ELK3: variants seen among roughly 807,000 people sequenced by gnomAD.
ELK3 encodes the protein ETS transcription factor ELK3.
In ELK3, 10 loss-of-function variants were observed where a neutral mutation model predicts 28.9. The ratio of observed to expected loss-of-function variants is 0.35; its 90% CI spans 0.21 to 0.59. ELK3 has a LOEUF of 0.59. Ranked by LOEUF, ELK3 falls within the 20% of genes least tolerant of loss-of-function variation. The pLI is 0.82. For synonymous variants in ELK3, 272 were observed against 243.5 expected, an observed-to-expected ratio of 1.12 and a Z score of -1.09; for missense variants, 463 against 517.3, an observed-to-expected ratio of 0.90 and a Z score of 1.02.
At chr12:96,264,067 C>T (rs1376574195) in intron 4 of ELK3, among the ~76,000 whole-genome samples, 1 of 152,172 alleles carries the variant, frequency 6.6e-6, no homozygotes, top group African/African-American at 2.4e-5. Context: ...ACCTCTGCCT[C>T]CTGGGCTCAA....
intron 2 of ELK3, among the ~76,000 whole-genome samples, chr12:96,241,777 G>A (rs1951823167): frequency 6.6e-6 from 1 of 152,174 alleles, no homozygotes; most frequent in African/African-American, 2.4e-5. Context: ...ATGGCAACTT[G>A]GACGGGGTGA....
intron 1 of ELK3, among the ~76,000 whole-genome samples, chr12:96,216,851 C>T (rs544520284): frequency 6.6e-6 from 1 of 152,208 alleles, no homozygotes; most frequent in African/African-American, 2.4e-5. Context: ...AGTCCCACAA[C>T]CAGACAGGAC....
intron 1 of ELK3, among the ~76,000 whole-genome samples, chr12:96,196,602 G>C (rs901644310): frequency 6.6e-6 from 1 of 152,062 alleles, no homozygotes; most frequent in African/African-American, 2.4e-5. Flanking sequence ...GTGTTAGGAG[G>C]GCACATGGGT....
chr12:96,245,311 G>A (rs1331871693), intron 2 of ELK3, among the ~76,000 whole-genome samples: 2 of 152,150 alleles, frequency 1.3e-5, no homozygotes, highest in Non-Finnish European at 2.9e-5. Context: ...TCTATTGGGG[G>A]ATCTTTGATT....
rs535185909 is a variant in ELK3 at position 96,208,089 on chromosome 12, G to C, written c.-3+13384G>C. On this transcript the variant is annotated intron_variant, in intron 1 of 4. Coordinates refer to ENST00000228741, the MANE Select transcript of ELK3 (RefSeq NM_005230.4). ...TTTTTTTGAGACAGAGTCTCGCTCT[G>C]TTGCCATGTTGGAGTGCAGTGGCAT... Among the ~76,000 whole-genome samples the C allele has an allele frequency of 2.3e-3, 351 of 152,166 alleles. 2 individuals are homozygous for C. The highest frequency in any genetic ancestry group is 8.0e-3 in the African/African-American group (334 of 41,516).
chr12:96,235,658 C>T (rs1213535661), intron 2 of ELK3, among the ~76,000 whole-genome samples: 1 of 152,034 alleles, frequency 6.6e-6, no homozygotes, highest in Non-Finnish European at 1.5e-5. Flanking sequence ...GATGAGAAGA[C>T]ACTCCCAGAC....
intron 1 of ELK3, among the ~76,000 whole-genome samples, chr12:96,220,521 G>C (rs1417249316): frequency 6.6e-6 from 1 of 151,428 alleles, no homozygotes; most frequent in Non-Finnish European, 1.5e-5. Flanking sequence ...CCAAGTAGCT[G>C]TGATTATAAG....
At chr12:96,260,089 T>G (rs112475383) in intron 4 of ELK3, among the ~76,000 whole-genome samples, 15 of 152,312 alleles carry the variant, frequency 9.8e-5, no homozygotes, top group African/African-American at 3.4e-4. Context: ...TTAAAGTGTT[T>G]TGCATATTTT....
chr12:96,254,249 C>A (rs1164301648), intron 3 of ELK3, among the ~76,000 whole-genome samples: 1 of 152,086 alleles, frequency 6.6e-6, no homozygotes, highest in East Asian at 1.9e-4. Flanking sequence ...CGCTTGAACC[C>A]GGGAGGCAGA....
At chr12:96,235,507 T>C (rs1455642508) in intron 2 of ELK3, among the ~76,000 whole-genome samples, 1 of 152,154 alleles carries the variant, frequency 6.6e-6, no homozygotes, top group Non-Finnish European at 1.5e-5. Context: ...TCCTTCTCCA[T>C]GGCACAGAAG....
chr12:96,195,118 C>T (rs543028178), intron 1 of ELK3, among the ~76,000 whole-genome samples: 1 of 152,254 alleles, frequency 6.6e-6, no homozygotes, highest in African/African-American at 2.4e-5. Flanking sequence ...AGAACCGTGG[C>T]AGGAGCAGGC....
At chr12:96,258,355 A>T (rs1951967925) in intron 3 of ELK3, among the ~76,000 whole-genome samples, 1 of 152,278 alleles carries the variant, frequency 6.6e-6, no homozygotes, top group African/African-American at 2.4e-5. Flanking sequence ...ATAATTTGGT[A>T]TAAATGTGTT....
intron 2 of ELK3, among the ~76,000 whole-genome samples, chr12:96,235,980 C>T (rs1951780034): frequency 6.6e-6 from 1 of 152,074 alleles, no homozygotes; most frequent in Non-Finnish European, 1.5e-5. Flanking sequence ...GGTGTGCCAC[C>T]ATACCCGGCT....
chr12:96,235,451 G>A (rs565067904), intron 2 of ELK3, among the ~76,000 whole-genome samples: 22 of 152,230 alleles, frequency 1.4e-4, no homozygotes, highest in Non-Finnish European at 2.6e-4. Flanking sequence ...AGCCGAGGGC[G>A]TGGCAGCACC....
chr12:96,210,932 G>A (rs1197460750), intron 1 of ELK3, among the ~76,000 whole-genome samples: 1 of 152,168 alleles, frequency 6.6e-6, no homozygotes, highest in Non-Finnish European at 1.5e-5. Context: ...AGTGAAGTGT[G>A]CATATGAGAA....
intron 3 of ELK3, among the ~76,000 whole-genome samples, chr12:96,248,313 G>A (rs1280782572): frequency 1.3e-5 from 2 of 152,256 alleles, no homozygotes; most frequent in East Asian, 3.8e-4. Context: ...CGAGAGGACA[G>A]CAAACTTGCA....
intron 1 of ELK3, among the ~76,000 whole-genome samples, chr12:96,203,427 C>A (rs1055915783): frequency 4.6e-5 from 7 of 152,192 alleles, no homozygotes; most frequent in African/African-American, 1.7e-4. Context: ...TCTGGGCCTG[C>A]GTCCGTTTTT....
chr12:96,234,221 T>A (rs1870386414), intron 2 of ELK3, among the ~76,000 whole-genome samples: 1 of 152,142 alleles, frequency 6.6e-6, no homozygotes, highest in Non-Finnish European at 1.5e-5. Context: ...TCCCCCAAAA[T>A]AGGGCAGTTG....
At chr12:96,198,108 G>A (rs1329610696) in intron 1 of ELK3, 1 of 152,174 alleles carries the variant, frequency 6.6e-6, no homozygotes. Flanking sequence ...ATCCAAGAAT[G>A]TGACTTCCTG....
Sources: allele counts gnomAD v4.1 joint callset (sites outside exome capture counted in the v4.1 genomes callset), GRCh38; gene constraint gnomAD v4.1.1; transcripts MANE v1.5; gene names NCBI Gene and HGNC (gene_info 2026-07-23, HGNC 2026-07-21).